The following NEGR1 variants were observed in gnomAD, a reference collection of about 807,000 sequenced individuals.
NEGR1 encodes the protein IgLON family member 4.
NEGR1 carries 10 observed loss-of-function variants against 40.9 expected under a neutral mutation model. That is an observed-to-expected ratio of 0.24 (90% CI 0.15 to 0.42). NEGR1 has a LOEUF of 0.42. Ranked by LOEUF, NEGR1 falls within the 10% of genes least tolerant of loss-of-function variation. The pLI is 1.00. For synonymous variants in NEGR1, 185 were observed against 166.8 expected (o/e 1.11, Z -0.84); for missense variants, 352 against 438.9 (o/e 0.80, Z 1.77).
chr1:71,845,955 G>T, intron 2 of NEGR1, among the ~76,000 whole-genome samples: 1 of 146,892 alleles, frequency 6.8e-6, no homozygotes, highest in Middle Eastern at 3.4e-3. Context: ...AAGAGATGAG[G>T]GTCTCACTAT....
intron 6 of NEGR1, among the ~76,000 whole-genome samples, chr1:71,448,617 G>A (rs978678593): frequency 1.3e-5 from 2 of 151,636 alleles, no homozygotes; most frequent in African/African-American, 2.4e-5. Context: ...AAAAAATGTC[G>A]CTGAGAGAGA....
intron 2 of NEGR1, among the ~76,000 whole-genome samples, chr1:71,874,586 T>A (rs1289414231): frequency 6.6e-6 from 1 of 152,172 alleles, no homozygotes; most frequent in African/African-American, 2.4e-5. Context: ...GCCTGCTTTT[T>A]AAATATCCCA....
intron 6 of NEGR1, among the ~76,000 whole-genome samples, chr1:71,548,179 A>T (rs1033613857): frequency 6.6e-6 from 1 of 151,702 alleles, no homozygotes; most frequent in Non-Finnish European, 1.5e-5. Context: ...CGGAGATATT[A>T]TGTTTGATGT....
At chr1:72,124,351 A>G (rs893232660) in intron 1 of NEGR1, among the ~76,000 whole-genome samples, 1 of 151,968 alleles carries the variant, frequency 6.6e-6, no homozygotes, top group African/African-American at 2.4e-5. Flanking sequence ...ACCCACAAAG[A>G]TTTTGGAAAA....
At chr1:72,050,955 A>C (rs1412289356) in intron 1 of NEGR1, among the ~76,000 whole-genome samples, 1 of 151,502 alleles carries the variant, frequency 6.6e-6, no homozygotes, top group Admixed American at 6.6e-5. Flanking sequence ...CATATTCCCC[A>C]GTCCAATCAA....
At chr1:72,172,102 G>A (rs1391317562) in intron 1 of NEGR1, among the ~76,000 whole-genome samples, 1 of 152,130 alleles carries the variant, frequency 6.6e-6, no homozygotes, top group East Asian at 1.9e-4. Flanking sequence ...GTAGGTGGAA[G>A]GATGGAGAGG....
At position 72,042,837 on chromosome 1, in the gene NEGR1, A is replaced by G. The variant is rs114230697; in HGVS notation, c.177-107526T>C. Among the ~76,000 whole-genome samples the G allele has an allele frequency of 3.2e-3, 483 of 152,114 alleles. 1 individual carries two copies. Among genetic ancestry groups the G allele is most frequent in the African/African-American group, 0.011 (451 of 41,518 alleles). The stretch of plus-strand genomic sequence containing the variant: ...CAGGATGCTTTTATTACCTTAGACC[A>G]TTTAGAAAATGTAAAGGATCTAAAC... On this transcript the variant is annotated intron_variant, in intron 1 of 6. Coordinates refer to ENST00000357731, the MANE Select transcript of NEGR1 (RefSeq NM_173808.3).
intron 1 of NEGR1, among the ~76,000 whole-genome samples, chr1:72,227,101 G>T (rs1355423118): frequency 6.6e-6 from 1 of 152,014 alleles, no homozygotes. Context: ...ATCAGAGCTG[G>T]GATGTGCTCT....
At chr1:71,942,359 C>T (rs1467657733) in intron 1 of NEGR1, among the ~76,000 whole-genome samples, 25 of 143,422 alleles carry the variant, frequency 1.7e-4, no homozygotes, top group African/African-American at 6.4e-4. Context: ...ATACTTAACG[C>T]CTCTCTGAAA....
chr1:71,557,048 T>G (rs1035534044), intron 6 of NEGR1, among the ~76,000 whole-genome samples: 6 of 151,648 alleles, frequency 4.0e-5, no homozygotes, highest in African/African-American at 1.5e-4. Context: ...AAACATTCTA[T>G]GGATTTATTT....
At chr1:72,026,526 T>C (rs1646811515) in intron 1 of NEGR1, among the ~76,000 whole-genome samples, 1 of 147,036 alleles carries the variant, frequency 6.8e-6, no homozygotes, top group South Asian at 2.2e-4. Context: ...CGGTTCACAA[T>C]GACATTCTTT....
intron 2 of NEGR1, among the ~76,000 whole-genome samples, chr1:71,841,491 G>A (rs977724922): frequency 5.9e-5 from 9 of 152,008 alleles, no homozygotes; most frequent in Non-Finnish European, 7.4e-5. Context: ...TTATCTAGTC[G>A]CAATTGTCTA....
At chr1:71,876,990 T>TAA (rs146733354) in intron 2 of NEGR1, among the ~76,000 whole-genome samples, 15 of 149,086 alleles carry the variant, frequency 1.0e-4, no homozygotes, top group African/African-American at 2.0e-4. Context: ...TTGCAGTAGT[T>TAA]AAAAAAAAAA....
Position 72,062,345 on chromosome 1 carries a change from C to A in NEGR1, c.177-127034G>T, listed in dbSNP as rs528497225. Among the ~76,000 whole-genome samples, 5 of 151,860 alleles carry A rather than the reference C, an allele frequency of 3.3e-5. No homozygotes were observed. In the South Asian group the frequency reaches 1.0e-3, roughly 32 times the overall value. ...ATTAATCACTCCTCATTCTAAGATG[C>A]CATAATATTTACTATGTACTTTTAT... On this transcript the variant is annotated intron_variant, in intron 1 of 6. Coordinates refer to ENST00000357731, the MANE Select transcript of NEGR1 (RefSeq NM_173808.3).
chr1:72,164,383 T>G (rs916775134), intron 1 of NEGR1, among the ~76,000 whole-genome samples: 4 of 152,016 alleles, frequency 2.6e-5, no homozygotes, highest in African/African-American at 9.7e-5. Context: ...TTAGCAAGTC[T>G]CTACCTGCTC....
chr1:72,070,337 CT>C (rs141496067), intron 1 of NEGR1, among the ~76,000 whole-genome samples: 2,276 of 151,970 alleles, frequency 0.015, 54 homozygotes, highest in African/African-American at 0.052. Context: ...CTCCTAATGG[CT>C]TTCTTGTACT....
intron 6 of NEGR1, among the ~76,000 whole-genome samples, chr1:71,576,524 G>T (rs897456267): frequency 1.3e-5 from 2 of 152,164 alleles, no homozygotes; most frequent in African/African-American, 4.8e-5. Flanking sequence ...ATAGGAATGA[G>T]TGTGTTCTAT....
At chr1:71,682,054 T>C (rs1652856945) in intron 4 of NEGR1, among the ~76,000 whole-genome samples, 1 of 152,026 alleles carries the variant, frequency 6.6e-6, no homozygotes, top group African/African-American at 2.4e-5. Flanking sequence ...CTCAGACTCC[T>C]GGCCTCAAGC....
chr1:72,136,973 C>A (rs1031328312), intron 1 of NEGR1, among the ~76,000 whole-genome samples: 2 of 152,126 alleles, frequency 1.3e-5, no homozygotes, highest in African/African-American at 4.8e-5. Flanking sequence ...GACATTTATG[C>A]AGCCAACAAA....
Sources: allele counts gnomAD v4.1 joint callset (sites outside exome capture counted in the v4.1 genomes callset), GRCh38; gene constraint gnomAD v4.1.1; transcripts MANE v1.5; gene names NCBI Gene and HGNC (gene_info 2026-07-23, HGNC 2026-07-21).